KCNIP4: variants seen among roughly 807,000 people sequenced by gnomAD.
The protein encoded by KCNIP4 is Kv channel-interacting protein 4.
KCNIP4 carries 12 observed loss-of-function variants against 34.0 expected under a neutral mutation model. The ratio of observed to expected loss-of-function variants is 0.35; its 90% CI spans 0.23 to 0.57. The LOEUF is 0.57. Among genes scored for constraint, KCNIP4 ranks in the 20% least tolerant of loss-of-function variants. The probability of loss-of-function intolerance (pLI) is 0.83; values close to 1 mark genes in which losing one functional copy is unlikely to be tolerated. For synonymous variants in KCNIP4, 124 were observed against 102.2 expected (o/e 1.21, Z -1.29); for missense variants, 238 against 311.7 (o/e 0.76, Z 1.78).
At position 21,113,911 on chromosome 4, in the gene KCNIP4, T is replaced by C. The variant is rs145405945; in HGVS notation, c.62-231202A>G. Among the ~76,000 whole-genome samples the C allele has an allele frequency of 2.3e-4, 35 of 152,350 alleles. No homozygotes were observed. The East Asian group carries it at 6.6e-3, about 29-fold the overall frequency. On this transcript the variant is annotated intron_variant, in intron 1 of 8. Transcript: ENST00000382152. ...ACTCTAATACACCATAATTAGTTTC[T>C]TTCTCCATCAAAAATCAAAGTTAGT...
At chr4:21,390,084 G>C (rs58631033) in intron 1 of KCNIP4, among the ~76,000 whole-genome samples, 7,196 of 151,102 alleles carry the variant, frequency 0.048, 441 homozygotes, top group African/African-American at 0.13. Context: ...GTGTCTGTTG[G>C]CTGCATAAAT....
At position 20,741,718 on chromosome 4, in the gene KCNIP4, G is replaced by T. The variant is rs367816272; in HGVS notation, c.430-6983C>A. 2.7e-3 allele frequency among the ~76,000 whole-genome samples: 408 copies of T among 152,154 alleles called. 8 individuals carry two copies. The South Asian group carries it at 0.047, about 17-fold the overall frequency. The stretch of plus-strand genomic sequence containing the variant: ...AGCAGAAGGCAAGAAATAACTAAGA[G>T]CAGAGCAGAACTGAAGGAGACAGAG... On this transcript the variant is annotated intron_variant, in intron 5 of 8. Coordinates refer to ENST00000382152, the MANE Select transcript of KCNIP4 (RefSeq NM_025221.6).
chr4:21,171,497 T>G (rs2109298130), intron 1 of KCNIP4, among the ~76,000 whole-genome samples: 1 of 152,306 alleles, frequency 6.6e-6, no homozygotes, highest in South Asian at 2.1e-4. Flanking sequence ...ATAATTGGCA[T>G]TATCATGTTT....
chr4:21,614,609 A>C (rs1577695399), intron 1 of KCNIP4, among the ~76,000 whole-genome samples: 1 of 148,804 alleles, frequency 6.7e-6, no homozygotes, highest in African/African-American at 2.4e-5. Context: ...AATTATATTA[A>C]ATTAAAATTA....
intron 1 of KCNIP4, among the ~76,000 whole-genome samples, chr4:21,881,933 T>C (rs1268113055): frequency 6.6e-6 from 1 of 152,140 alleles, no homozygotes; most frequent in African/African-American, 2.4e-5. Context: ...CCGTATCCCA[T>C]GAACATATTA....
chr4:21,044,137 G>A (rs1224390883), intron 1 of KCNIP4, among the ~76,000 whole-genome samples: 1 of 152,060 alleles, frequency 6.6e-6, no homozygotes, highest in East Asian at 1.9e-4. Context: ...CCTGGAAGGG[G>A]CAGTTTCCAG....
intron 1 of KCNIP4, among the ~76,000 whole-genome samples, chr4:21,668,735 T>G (rs2109003522): frequency 6.6e-6 from 1 of 152,330 alleles, no homozygotes; most frequent in South Asian, 2.1e-4. Context: ...ATTTTATATT[T>G]CAGTTTCTCT....
At chr4:21,361,456 G>C (rs1028019939) in intron 1 of KCNIP4, among the ~76,000 whole-genome samples, 4 of 151,898 alleles carry the variant, frequency 2.6e-5, no homozygotes, top group African/African-American at 9.7e-5. Context: ...TTTGCTAAAA[G>C]AAAGACATTA....
chr4:20,801,303 A>G (rs1343330661), intron 3 of KCNIP4, among the ~76,000 whole-genome samples: 1 of 151,118 alleles, frequency 6.6e-6, no homozygotes, highest in Non-Finnish European at 1.5e-5. Context: ...AAAAAAAAAG[A>G]AAAGAAAAAA....
rs924273747 is a variant in KCNIP4 at position 20,732,802 on chromosome 4, A to C, written c.538-17T>G. Reference sequence around the variant, plus strand: ...AAGCATTTCCTGAAAAATAAAAGGCACTCACGTGAGGCTGCACACATGTAT... The same window carrying C: ...AAGCATTTCCTGAAAAATAAAAGGCCCTCACGTGAGGCTGCACACATGTAT... On this transcript the variant is annotated splice_polypyrimidine_tract_variant and intron_variant, in intron 6 of 8. Transcript: ENST00000382152. 26 of 1,462,230 alleles carry C rather than the reference A, an allele frequency of 1.8e-5. No individual in the cohort carries two copies. The highest frequency in any genetic ancestry group is 2.1e-5 in the Non-Finnish European group (22 of 1,043,390). The allele number at this position is 1,462,230 out of a possible 1,614,324, so 90.6% of individuals were successfully genotyped here.
At chr4:21,567,525 T>C (rs1385723862) in intron 1 of KCNIP4, among the ~76,000 whole-genome samples, 1 of 152,108 alleles carries the variant, frequency 6.6e-6, no homozygotes, top group East Asian at 1.9e-4. Flanking sequence ...AACCTTAGTA[T>C]ACATAATAAA....
At chr4:20,863,966 A>T (rs1252968257) in intron 2 of KCNIP4, among the ~76,000 whole-genome samples, 1 of 151,778 alleles carries the variant, frequency 6.6e-6, no homozygotes, top group African/African-American at 2.4e-5. Context: ...ACACACATAC[A>T]TATACATATA....
chr4:21,737,829 A>C (rs1406107312), intron 1 of KCNIP4, among the ~76,000 whole-genome samples: 1 of 152,136 alleles, frequency 6.6e-6, no homozygotes, highest in African/African-American at 2.4e-5. Flanking sequence ...TCATGCCTAT[A>C]ATCCTAGCAC....
chr4:21,129,889 T>A (rs1375753103), intron 1 of KCNIP4, among the ~76,000 whole-genome samples: 1 of 149,432 alleles, frequency 6.7e-6, no homozygotes, highest in Non-Finnish European at 1.5e-5. Context: ...GCAGAAATGT[T>A]AAAAAAAAAA....
chr4:21,146,741 T>A (rs1044271166), intron 1 of KCNIP4, among the ~76,000 whole-genome samples: 1 of 152,152 alleles, frequency 6.6e-6, no homozygotes, highest in African/African-American at 2.4e-5. Context: ...TGGAAACTCA[T>A]AAGATTTTGA....
intron 1 of KCNIP4, among the ~76,000 whole-genome samples, chr4:21,621,566 C>T (rs1367664718): frequency 1.3e-5 from 2 of 152,068 alleles, no homozygotes; most frequent in Admixed American, 1.3e-4. Context: ...CCATGTTGCC[C>T]AGGCTGTTCT....
chr4:20,990,796 C>G (rs1235686570), intron 1 of KCNIP4, among the ~76,000 whole-genome samples: 1 of 152,178 alleles, frequency 6.6e-6, no homozygotes, highest in Non-Finnish European at 1.5e-5. Flanking sequence ...TGTCATATCC[C>G]TTTTGATGTA....
chr4:21,519,477 T>C lies in KCNIP4; in HGVS notation c.61+429094A>G, dbSNP rs562578392. Among the ~76,000 whole-genome samples, 68 of 104,426 alleles carry C rather than the reference T, an allele frequency of 6.5e-4. 6 individuals are homozygous for C. The highest frequency in any genetic ancestry group is 9.0e-4 in the Non-Finnish European group (43 of 47,824). 68.5% of individuals were successfully genotyped at this position (104,426 alleles called of 152,430 possible). ...ATACACATATGTGTGTATGTGTATG[T>C]GTATATACACATATGTGTGTATGTG... On this transcript the variant is annotated intron_variant, in intron 1 of 8. Transcript: ENST00000382152.
intron 1 of KCNIP4, among the ~76,000 whole-genome samples, chr4:21,126,239 G>C (rs1236188183): frequency 6.6e-6 from 1 of 152,168 alleles, no homozygotes; most frequent in African/African-American, 2.4e-5. Context: ...GTCCAGGGCT[G>C]AAATCAGAAG....
Sources: allele counts gnomAD v4.1 joint callset (sites outside exome capture counted in the v4.1 genomes callset), GRCh38; gene constraint gnomAD v4.1.1; transcripts MANE v1.5; gene names NCBI Gene and HGNC (gene_info 2026-07-23, HGNC 2026-07-21).